CHN2: variants seen among roughly 807,000 people sequenced by gnomAD.
CHN2 encodes the protein beta-chimaerin.
In CHN2, 35 loss-of-function variants were observed where a neutral mutation model predicts 56.3. The ratio of observed to expected loss-of-function variants is 0.62; its 90% confidence interval spans 0.47 to 0.82. The LOEUF (loss-of-function observed/expected upper bound fraction) is 0.82, where lower values mean the gene tolerates loss of function less well. CHN2 is among the 40% of genes least tolerant of loss of function. CHN2 has a pLI of 0.00. For missense variants in CHN2, 491 were observed against 580.5 expected (o/e 0.85, Z 1.58); for synonymous variants, 210 against 212.8 (o/e 0.99, Z 0.12).
chr7:29,456,897 G>A (rs185181094), intron 6 of CHN2, among the ~76,000 whole-genome samples: 96 of 152,200 alleles, frequency 6.3e-4, no homozygotes, highest in Non-Finnish European at 1.2e-3. Flanking sequence ...ACCAGGAGCT[G>A]GAAGATCCTG....
chr7:29,382,177 T>C (rs1800565273), intron 3 of CHN2, among the ~76,000 whole-genome samples: 1 of 152,236 alleles, frequency 6.6e-6, no homozygotes, highest in Non-Finnish European at 1.5e-5. Flanking sequence ...ATTGTTGTTA[T>C]TAGGCTCTGC....
intron 1 of CHN2, among the ~76,000 whole-genome samples, chr7:29,329,726 A>T (rs1796076537): frequency 6.6e-6 from 1 of 152,224 alleles, no homozygotes; most frequent in African/African-American, 2.4e-5. Flanking sequence ...CATTGTTTGG[A>T]TGATCCTAAA....
At chr7:29,191,614 C>A (rs1306649793), upstream of CHN2, 1 of 152,138 alleles carries the variant, frequency 6.6e-6, no homozygotes, top group African/African-American at 2.4e-5. Flanking sequence ...TCTTAAGAAG[C>A]CCACATTATC....
intron 1 of CHN2, among the ~76,000 whole-genome samples, chr7:29,295,604 G>T (rs1425414123): frequency 6.6e-6 from 1 of 152,054 alleles, no homozygotes; most frequent in East Asian, 1.9e-4. Flanking sequence ...TAAAAAAGAT[G>T]AGAGAGTTAA....
At chr7:29,190,936 CT>C (rs796284400), upstream of CHN2, among the ~76,000 whole-genome samples, 342 of 144,386 alleles carry the variant, frequency 2.4e-3, no homozygotes, top group African/African-American at 4.4e-3. Context: ...CCCCACCATG[CT>C]TTTTTTTTTT....
At chr7:29,221,129 A>C (rs906738352) in intron 1 of CHN2, among the ~76,000 whole-genome samples, 5 of 152,212 alleles carry the variant, frequency 3.3e-5, no homozygotes, top group African/African-American at 1.2e-4. Flanking sequence ...CTGCATACTT[A>C]ATGATAAAGT....
intron 1 of CHN2, among the ~76,000 whole-genome samples, chr7:29,209,848 G>T (rs987939704): frequency 7.9e-5 from 12 of 152,142 alleles, no homozygotes; most frequent in African/African-American, 2.9e-4. Context: ...ATAATTTCAG[G>T]TTATTCCCAA....
chr7:29,375,142 A>T (rs932562716), intron 3 of CHN2, among the ~76,000 whole-genome samples: 13 of 140,210 alleles, frequency 9.3e-5, no homozygotes, highest in African/African-American at 3.5e-4. Context: ...CACCCGCCTC[A>T]GCCTCCCAAA....
chr7:29,289,792 A>C (rs973133848), intron 1 of CHN2, among the ~76,000 whole-genome samples: 1 of 152,214 alleles, frequency 6.6e-6, no homozygotes, highest in African/African-American at 2.4e-5. Context: ...GGCTACTTAC[A>C]TATGCATTTA....
chr7:29,465,000 C>T (rs747713526), intron 6 of CHN2, among the ~76,000 whole-genome samples: 2 of 152,172 alleles, frequency 1.3e-5, no homozygotes, highest in African/African-American at 2.4e-5. Context: ...TAAGCTACAA[C>T]CTAATCCTTC....
intron 2 of CHN2, among the ~76,000 whole-genome samples, chr7:29,157,332 A>G (rs1451945818): frequency 6.7e-6 from 1 of 150,290 alleles, no homozygotes; most frequent in Admixed American, 6.7e-5. Flanking sequence ...ATCCTTCTCC[A>G]CTCAATGCCC....
chr7:29,408,450 G>C (rs1802868166), intron 6 of CHN2, among the ~76,000 whole-genome samples: 1 of 152,116 alleles, frequency 6.6e-6, no homozygotes. Flanking sequence ...TATTCCTGAG[G>C]CTCTTTTATG....
At position 29,206,355 on chromosome 7, in the gene CHN2, C is replaced by T. The variant is rs61326806; in HGVS notation, c.49+11365C>T. ...GGAGTGCAGTGGCATGATCTTAGCT[C>T]ACTGCACCCTGCGCTTCCTGGGTTC... On this transcript the variant is annotated intron_variant, in intron 1 of 12. Transcript: ENST00000222792. Among the ~76,000 whole-genome samples the T allele has an allele frequency of 9.4e-3, 1,431 of 152,250 alleles. 25 individuals are homozygous for T. The highest frequency in any genetic ancestry group is 0.033 in the African/African-American group (1,371 of 41,540).
In CHN2 at chr7:29,403,095, CT is replaced by C. The variant is rs543512640; in HGVS notation, c.576+2268del. On this transcript the variant is annotated intron_variant, in intron 6 of 12. Transcript: ENST00000222792. Reference sequence around the variant, plus strand: ...TGATGTTTGGTTGTCCCAAGGGACACTGGGCCTGGTCACTTGCTGGGGCTAC... The same window carrying C: ...TGATGTTTGGTTGTCCCAAGGGACACGGGCCTGGTCACTTGCTGGGGCTAC... Among the ~76,000 whole-genome samples, 444 of 152,214 alleles carry C rather than the reference CT, an allele frequency of 2.9e-3. 4 individuals are homozygous for C. Among genetic ancestry groups the C allele is most frequent in the African/African-American group, 0.01 (417 of 41,526 alleles).
At chr7:29,454,864 G>A (rs1215686962) in intron 6 of CHN2, among the ~76,000 whole-genome samples, 1 of 151,640 alleles carries the variant, frequency 6.6e-6, no homozygotes, top group Admixed American at 6.6e-5. Flanking sequence ...TGTGTCAACA[G>A]TTCTGACTTT....
At chr7:29,225,452 A>G (rs1055678663) in intron 1 of CHN2, among the ~76,000 whole-genome samples, 6 of 152,156 alleles carry the variant, frequency 3.9e-5, no homozygotes, top group Admixed American at 3.3e-4. Context: ...ACCAAAACCA[A>G]TATATGAAAA....
chr7:29,320,249 G>A (rs562542179), intron 1 of CHN2, among the ~76,000 whole-genome samples: 10 of 152,306 alleles, frequency 6.6e-5, no homozygotes, highest in Admixed American at 6.5e-4. Context: ...GTGACAACAT[G>A]AACTTGAGAC....
At chr7:29,357,730 A>G (rs1231646069) in intron 2 of CHN2, among the ~76,000 whole-genome samples, 3 of 152,212 alleles carry the variant, frequency 2.0e-5, no homozygotes, top group Non-Finnish European at 4.4e-5. Flanking sequence ...GATGACTAGG[A>G]GAAGGAATCT....
intron 1 of CHN2, among the ~76,000 whole-genome samples, chr7:29,273,862 A>G (rs1186039570): frequency 2.0e-5 from 3 of 152,054 alleles, no homozygotes; most frequent in African/African-American, 7.2e-5. Context: ...GAAAAACTCT[A>G]CTGTGTGTTT....
Sources: gnomAD v4.1 joint callset for allele counts (sites outside exome capture counted in the v4.1 genomes callset) on GRCh38, gnomAD v4.1.1 for gene constraint, MANE v1.5 for transcripts, NCBI Gene and HGNC (gene_info 2026-07-23, HGNC 2026-07-21) for gene names.